Variants in NAV1 observed in about 807,000 individuals in gnomAD.
NAV1 encodes pore membrane and/or filament interacting like protein 3.
Under a neutral mutation model 175.2 loss-of-function variants are expected in NAV1, and 18 were observed. That is an observed-to-expected ratio of 0.10 (90% CI 0.07 to 0.15). The LOEUF is 0.15. Ranked by LOEUF, NAV1 falls within the 10% of genes least tolerant of loss-of-function variation. The pLI is 1.00. For missense variants in NAV1, 1,731 were observed against 2,436.6 expected (o/e 0.71, Z 6.10); for synonymous variants, 897 against 978.7 (o/e 0.92, Z 1.56).
At chr1:201,568,073 G>A (rs1481221191) in intron 1 of NAV1, among the ~76,000 whole-genome samples, 2 of 152,138 alleles carry the variant, frequency 1.3e-5, no homozygotes, top group Non-Finnish European at 2.9e-5. Context: ...AGGCTGCCTG[G>A]GCTGTGTACC....
chr1:201,786,776 C>T (rs1676780610), intron 9 of NAV1, among the ~76,000 whole-genome samples, 199 bp downstream of exon 13: 1 of 152,152 alleles, frequency 6.6e-6, no homozygotes, highest in Admixed American at 6.5e-5. Context: ...AAAGTTGCCC[C>T]TAGGCACAAG....
chr1:201,726,096 G>C (rs1672594743), intron 3 of NAV1, among the ~76,000 whole-genome samples: 1 of 152,226 alleles, frequency 6.6e-6, no homozygotes, highest in Non-Finnish European at 1.5e-5. Context: ...TTAGAATGCT[G>C]ACTCCAGATT....
intron 2 of NAV1, among the ~76,000 whole-genome samples, chr1:201,606,386 C>G (rs745433707): frequency 1.3e-5 from 2 of 152,200 alleles, no homozygotes; most frequent in Non-Finnish European, 2.9e-5. Flanking sequence ...AGCCACTCAA[C>G]CTACCCACCC....
intron 2 of NAV1, among the ~76,000 whole-genome samples, chr1:201,630,574 C>T (rs1452487454): frequency 6.6e-6 from 1 of 152,194 alleles, no homozygotes; most frequent in Admixed American, 6.5e-5. Context: ...TGGTCTATAG[C>T]AGTGATCTTG....
At chr1:201,721,923 C>G (rs937045428) in intron 3 of NAV1, among the ~76,000 whole-genome samples, 6 of 152,222 alleles carry the variant, frequency 3.9e-5, no homozygotes, top group African/African-American at 1.4e-4. Context: ...TCAGCTCTCC[C>G]TACTCCCTCC....
At chr1:201,655,663 T>C (rs1458318945) in intron 1 of NAV1, among the ~76,000 whole-genome samples, 1 of 152,184 alleles carries the variant, frequency 6.6e-6, no homozygotes, top group African/African-American at 2.4e-5. Context: ...CCCACAGAGA[T>C]CGGGGGCAGA....
intron 28 of NAV1, among the ~76,000 whole-genome samples, chr1:201,816,324 T>A (rs1324187294): frequency 6.6e-6 from 1 of 152,056 alleles, no homozygotes; most frequent in East Asian, 1.9e-4. Context: ...TGAGCCAAGA[T>A]TGCACCATTG....
chr1:201,733,457 T>G (rs1672955966), intron 3 of NAV1: 1 of 152,104 alleles, frequency 6.6e-6, no homozygotes, highest in Non-Finnish European at 1.5e-5. Flanking sequence ...CAGAGAAGAT[T>G]AGCATGTGCA....
chr1:201,790,451 C>A, intron 11 of NAV1, 103 bp from the exon 16 acceptor site: 1 of 1,331,456 alleles, frequency 7.5e-7, no homozygotes, highest in Non-Finnish European at 1.1e-6. Flanking sequence ...CTGAGTCATG[C>A]TTCTTCACAT....
intron 3 of NAV1, among the ~76,000 whole-genome samples, chr1:201,722,841 C>G (rs1257764784): frequency 6.6e-6 from 1 of 152,206 alleles, no homozygotes; most frequent in Admixed American, 6.5e-5. Context: ...CGCGGTGGCT[C>G]ACACCTGTAA....
intron 3 of NAV1, among the ~76,000 whole-genome samples, chr1:201,774,332 A>C (rs1165192709): frequency 6.6e-6 from 1 of 152,168 alleles, no homozygotes; most frequent in Non-Finnish European, 1.5e-5. Context: ...TCTCCCTGCT[A>C]TCTTGAGTGA....
chr1:201,694,443 C>T lies in NAV1; in HGVS notation c.758-18374C>T, dbSNP rs1671100516. 6.6e-6 allele frequency among the ~76,000 whole-genome samples: 1 copy of T among 152,066 alleles called. No individual in the cohort carries two copies. Among genetic ancestry groups the T allele is most frequent in the South Asian group, 2.1e-4 (1 of 4,828 alleles). The stretch of plus-strand genomic sequence containing the variant: ...CTCTGGCTCATTAAAGATAGATGAC[C>T]CTGGGGAGGGTGAGGGCCGGGGTCA... On this transcript the variant is annotated intron_variant, in intron 1 of 29. Coordinates refer to ENST00000367296, the Ensembl canonical transcript of NAV1. The surrounding 1 kb of genome is among the most constrained non-coding windows in gnomAD (Gnocchi z 4.2).
chr1:201,580,998 G>A (rs903491551), intron 1 of NAV1, among the ~76,000 whole-genome samples: 2 of 152,116 alleles, frequency 1.3e-5, no homozygotes, highest in African/African-American at 4.8e-5. Context: ...ACAACAGGAG[G>A]GGCAGAGTAC....
intron 10 of NAV1, among the ~76,000 whole-genome samples, 157 bp from the exon 15 acceptor site, chr1:201,789,583 G>C (rs149490330): frequency 3.9e-5 from 6 of 152,152 alleles, no homozygotes; most frequent in African/African-American, 1.4e-4. Flanking sequence ...CTTGCTTTGG[G>C]CTGTTTTGAT....
chr1:201,756,251 G>T (rs115353114), intron 3 of NAV1, among the ~76,000 whole-genome samples: 110 of 152,166 alleles, frequency 7.2e-4, no homozygotes, highest in African/African-American at 2.6e-3. Context: ...ACAAATATGG[G>T]CATAATGCAG....
In NAV1 at chr1:201,786,495, T is replaced by C. The variant is rs1044689650; in HGVS notation, c.2913T>C (p.Pro971=). Residue 971 remains proline, a synonymous_variant, in exon 9 of 30, where the codon CCT becomes CCC. Transcript: ENST00000367296. ...ATTCCCATACCATTGGTGGGCTGCC[T>C]GAATCCGATGACCAGTCAGAGCTGC... The C allele has an allele frequency of 1.8e-5, 29 of 1,614,080 alleles. No individual in the cohort carries two copies. In the East Asian group the frequency reaches 6.2e-4, roughly 35 times the overall value.
rs1427835314 is a variant in NAV1, at chr1:201,694,414, C to T, written c.758-18403C>T. Among the ~76,000 whole-genome samples the T allele has an allele frequency of 6.6e-6, 1 of 152,194 alleles. No individual in the cohort carries two copies. Among genetic ancestry groups the T allele is most frequent in the Non-Finnish European group, 1.5e-5 (1 of 68,034 alleles). On this transcript the variant is annotated intron_variant, in intron 1 of 29. Coordinates refer to ENST00000367296, the Ensembl canonical transcript of NAV1. The surrounding 1 kb of genome is among the most constrained non-coding windows in gnomAD (Gnocchi z 4.2). The stretch of plus-strand genomic sequence containing the variant: ...TTCTGAGCCTAGGGTGCCCCCTTTG[C>T]GTCCTCTGGCTCATTAAAGATAGAT...
In NAV1 at chr1:201,812,714, T is replaced by C. The variant is rs778561818; in HGVS notation, c.5221+53T>C. 6.1e-6 allele frequency: 9 copies of C among 1,485,346 alleles called. No individual in the cohort carries two copies. The South Asian group carries it at 6.9e-5, about 11-fold the overall frequency. 92.0% of individuals were successfully genotyped at this position (1,485,346 alleles called of 1,614,324 possible). A position where few individuals can be genotyped will look rare whatever the true frequency, so the allele number is the denominator to read the frequency against. Reference sequence around the variant, plus strand: ...TCAGGAGGTGGCTTCCCTTTTCCACTGTACCACCTGGAGGGATGCTCCCTT... The same window carrying C: ...TCAGGAGGTGGCTTCCCTTTTCCACCGTACCACCTGGAGGGATGCTCCCTT... On this transcript the variant is annotated intron_variant, in intron 27 of 29. Coordinates refer to ENST00000367296, the Ensembl canonical transcript of NAV1. The surrounding 1 kb of genome is among the most constrained non-coding windows in gnomAD (Gnocchi z 4.6).
At chr1:201,821,041 C>G (rs1679351169) in exon 30 of NAV1, 2 of 152,318 alleles carry the variant, frequency 1.3e-5, no homozygotes, top group South Asian at 4.1e-4. Flanking sequence ...AACCCAGTTC[C>G]CTTGACTTCC....
Sources: allele counts gnomAD v4.1 joint callset (sites outside exome capture counted in the v4.1 genomes callset), GRCh38; gene constraint gnomAD v4.1.1; non-coding constraint Gnocchi (gnomAD v3.1); transcripts MANE v1.5; gene names NCBI Gene and HGNC (gene_info 2026-07-23, HGNC 2026-07-21).